Variants in RSPO1 observed in about 807,000 individuals in gnomAD.
The protein encoded by RSPO1 is R-spondin-1.
RSPO1 carries 18 observed loss-of-function variants against 26.0 expected under a neutral mutation model. The observed-to-expected ratio is 0.69, with a 90% CI of 0.48 to 1.03. The LOEUF is 1.03. RSPO1 is among the 50% of genes least tolerant of loss of function. RSPO1 has a pLI of 0.00. For missense variants in RSPO1, 309 were observed against 352.3 expected (o/e 0.88, Z 0.98); for synonymous variants, 133 against 137.4 (o/e 0.97, Z 0.22).
At chr1:37,623,488 G>A (rs1366205259) in intron 3 of RSPO1, among the ~76,000 whole-genome samples, 1 of 152,054 alleles carries the variant, frequency 6.6e-6, no homozygotes, top group African/African-American at 2.4e-5. Flanking sequence ...AGAGGCAGAG[G>A]GCACTCCCTG....
At chr1:37,623,939 T>A (rs1644240706) in intron 3 of RSPO1, among the ~76,000 whole-genome samples, 1 of 151,904 alleles carries the variant, frequency 6.6e-6, no homozygotes, top group African/African-American at 2.4e-5. Context: ...TTTTTGTATC[T>A]TTAGTAGAGT....
At position 37,629,748 on chromosome 1, in the gene RSPO1, C is replaced by T; in HGVS notation, c.-87G>A. On this transcript the variant is annotated 5_prime_UTR_variant, in exon 3 of 7. Transcript: ENST00000356545. ...ACGGCTCTTGCTAACACCTCTGGGG[C>T]TGGGTCAGCAGCAGGAGGCCCAGGC... 1 of 1,571,034 alleles carries T rather than the reference C, an allele frequency of 6.4e-7. No homozygotes were observed. The highest frequency in any genetic ancestry group is 8.6e-7 in the Non-Finnish European group (1 of 1,157,932).
intron 2 of RSPO1, chr1:37,631,836 A>G (rs1644365024): frequency 6.6e-6 from 1 of 152,232 alleles, no homozygotes; most frequent in South Asian, 2.1e-4. Flanking sequence ...TATCATCTGG[A>G]TACTAACCTT....
intron 6 of RSPO1, 44 bp from the exon 7 acceptor site, chr1:37,612,965 G>A (rs1218141179): frequency 6.2e-7 from 1 of 1,606,176 alleles, no homozygotes; most frequent in Non-Finnish European, 8.5e-7. Context: ...AGGATGTGCA[G>A]GGAGGCCCTG....
rs1418302670 is a variant in RSPO1, at chr1:37,632,370, A to C, written c.-355-17T>G. On this transcript the variant is annotated splice_polypyrimidine_tract_variant and intron_variant, in intron 1 of 6. Coordinates refer to ENST00000356545, the MANE Select transcript of RSPO1 (RefSeq NM_001242908.2). ...CAATCTCAGCTGGAAAATCGTAAGG[A>C]GGATCCAGATGTAAATTTCACTGAA... 6.6e-6 allele frequency: 1 copy of C among 152,240 alleles called. No homozygotes were observed. Among genetic ancestry groups the C allele is most frequent in the Non-Finnish European group, 1.5e-5 (1 of 68,066 alleles). The allele number at this position is 152,240 out of a possible 1,614,324, so 9.4% of individuals were successfully genotyped here. A position where few individuals can be genotyped will look rare whatever the true frequency, so the allele number is the denominator to read the frequency against.
chr1:37,612,613 G>T lies in RSPO1; in HGVS notation c.*142C>A. On this transcript the variant is annotated 3_prime_UTR_variant, in exon 7 of 7. Coordinates refer to ENST00000356545, the MANE Select transcript of RSPO1 (RefSeq NM_001242908.2). ...TATATGTGGACAGGGGTTTGAGCGT[G>T]TGTGTCTTGTGTCTATGTATGCATG... 1.2e-6 allele frequency: 1 copy of T among 862,736 alleles called. No homozygotes were observed. The highest frequency in any genetic ancestry group is 1.9e-6 in the Non-Finnish European group (1 of 521,302). 53.4% of individuals were successfully genotyped at this position (862,736 alleles called of 1,614,324 possible).
intron 3 of RSPO1, among the ~76,000 whole-genome samples, chr1:37,623,527 C>T (rs1399375752): frequency 1.3e-5 from 2 of 151,856 alleles, no homozygotes; most frequent in Non-Finnish European, 2.9e-5. Flanking sequence ...GGAGGGTGTT[C>T]CACACAGGAG....
rs144649508 is a variant in RSPO1 at position 37,626,261 on chromosome 1, G to T, written c.94+3307C>A. Among the ~76,000 whole-genome samples the T allele has an allele frequency of 2.4e-3, 360 of 152,240 alleles. 2 individuals carry two copies. Among genetic ancestry groups the T allele is most frequent in the African/African-American group, 8.2e-3 (341 of 41,538 alleles). On this transcript the variant is annotated intron_variant, in intron 3 of 6. Coordinates refer to ENST00000356545, the MANE Select transcript of RSPO1 (RefSeq NM_001242908.2). ...TCAGCCCCAGACAGCTTCCTTGCTC[G>T]ATCCCAGTAGGTTCTGGATGGCTTG...
rs562237583 is a variant in RSPO1, at chr1:37,618,473, C to T, written c.95-1798G>A. ...TAGAACATATTAAGCAGGGATGAGA[C>T]CTGGCCCAATTTACATGTTGGGAAA... On this transcript the variant is annotated intron_variant, in intron 3 of 6. Transcript: ENST00000356545. 3.3e-5 allele frequency among the ~76,000 whole-genome samples: 5 copies of T among 152,252 alleles called. No homozygotes were observed. The South Asian group carries it at 1.0e-3, about 32-fold the overall frequency.
Position 37,629,751 on chromosome 1 carries a change from G to A in RSPO1, c.-90C>T. 1 of 1,567,676 alleles carries A rather than the reference G, an allele frequency of 6.4e-7. No individual in the cohort carries two copies. Among genetic ancestry groups the A allele is most frequent in the African/African-American group, 1.4e-5 (1 of 73,618 alleles). Reference sequence around the variant, plus strand: ...GCTCTTGCTAACACCTCTGGGGCTGGGTCAGCAGCAGGAGGCCCAGGCCTG... The same window carrying A: ...GCTCTTGCTAACACCTCTGGGGCTGAGTCAGCAGCAGGAGGCCCAGGCCTG... On this transcript the variant is annotated 5_prime_UTR_variant, in exon 3 of 7. Transcript: ENST00000356545.
At position 37,629,742 on chromosome 1, in the gene RSPO1, C is replaced by T; in HGVS notation, c.-81G>A. The T allele has an allele frequency of 6.3e-7, 1 of 1,576,140 alleles. No individual in the cohort carries two copies. Among genetic ancestry groups the T allele is most frequent in the Non-Finnish European group, 8.6e-7 (1 of 1,160,714 alleles). ...TAGCACACGGCTCTTGCTAACACCTCTGGGGCTGGGTCAGCAGCAGGAGGC... is the reference window on the plus strand; with the variant it reads ...TAGCACACGGCTCTTGCTAACACCTTTGGGGCTGGGTCAGCAGCAGGAGGC... On this transcript the variant is annotated 5_prime_UTR_variant, in exon 3 of 7. Coordinates refer to ENST00000356545, the MANE Select transcript of RSPO1 (RefSeq NM_001242908.2).
chr1:37,631,918 G>T (rs1011659431), intron 2 of RSPO1: 71 of 152,168 alleles, frequency 4.7e-4, no homozygotes, highest in African/African-American at 1.7e-3. Flanking sequence ...ACACCAAAGC[G>T]ATCACTCAGA....
chr1:37,617,142 C>T (rs1644126336), intron 3 of RSPO1, among the ~76,000 whole-genome samples: 1 of 152,208 alleles, frequency 6.6e-6, no homozygotes, highest in South Asian at 2.1e-4. Flanking sequence ...TAATCTATGC[C>T]TAGAACAGGG....
chr1:37,623,827 T>C (rs1269742871), intron 3 of RSPO1, among the ~76,000 whole-genome samples: 1 of 151,146 alleles, frequency 6.6e-6, no homozygotes, highest in Non-Finnish European at 1.5e-5. Context: ...TGGCGCAATC[T>C]TGGCTCACTG....
At chr1:37,632,540 A>G (rs1013805890) in intron 1 of RSPO1, among the ~76,000 whole-genome samples, 187 bp from the exon 2 acceptor site, 1 of 152,162 alleles carries the variant, frequency 6.6e-6, no homozygotes, top group African/African-American at 2.4e-5. Context: ...TTGAAGCTGG[A>G]TGTGGAGGGG....
chr1:37,626,670 C>T (rs762990879), intron 3 of RSPO1, among the ~76,000 whole-genome samples: 12 of 152,014 alleles, frequency 7.9e-5, no homozygotes, highest in Non-Finnish European at 1.3e-4. Flanking sequence ...GGGGTAGAGG[C>T]TCCAGATGGA....
In RSPO1 at chr1:37,634,212, A is replaced by T. The variant is rs1264906493; in HGVS notation, c.-356+354T>A. ...GGACTTGGGGGAATCCGAGCCAATG[A>T]GCCCCAGGATCAAGAACTTCTGGAT... On this transcript the variant is annotated intron_variant, in intron 1 of 6. Coordinates refer to ENST00000356545, the MANE Select transcript of RSPO1 (RefSeq NM_001242908.2). This position sits in a 1 kb window ranked among gnomAD's most constrained non-coding sequence, Gnocchi z 4.7. 6.6e-6 allele frequency among the ~76,000 whole-genome samples: 1 copy of T among 152,100 alleles called. No homozygotes were observed. The highest frequency in any genetic ancestry group is 1.5e-5 in the Non-Finnish European group (1 of 68,012).
In RSPO1 at chr1:37,616,026, G is replaced by A. The variant is rs115416645; in HGVS notation, c.286+458C>T. On this transcript the variant is annotated intron_variant, in intron 4 of 6. Transcript: ENST00000356545. ...ATGGGGTAGGGTGTGTGTCTCAGAA[G>A]CGTCTTTCTGGCTGAAGTGCAGAAG... is the stretch of plus-strand genomic sequence containing the variant. Among the ~76,000 whole-genome samples the A allele has an allele frequency of 2.9e-3, 449 of 152,330 alleles. 1 individual carries two copies. The highest frequency in any genetic ancestry group is 9.9e-3 in the African/African-American group (410 of 41,582).
At position 37,613,646 on chromosome 1, in the gene RSPO1, G is replaced by T; in HGVS notation, c.625+58C>A. 1.4e-6 allele frequency: 2 copies of T among 1,458,976 alleles called. No individual in the cohort carries two copies. The highest frequency in any genetic ancestry group is 1.2e-5 in the South Asian group (1 of 86,512). 90.4% of individuals were successfully genotyped at this position (1,458,976 alleles called of 1,614,324 possible). ...CGTGGGCAGGAAGCAGAGGTGGCAG[G>T]ACCTGTCATGGCTGGTGCCTGAGCC... On this transcript the variant is annotated intron_variant, in intron 6 of 6. Transcript: ENST00000356545. The surrounding 1 kb of genome is among the most constrained non-coding windows in gnomAD (Gnocchi z 4.5).
Sources: gnomAD v4.1 joint callset for allele counts (sites outside exome capture counted in the v4.1 genomes callset) on GRCh38, gnomAD v4.1.1 for gene constraint, Gnocchi (gnomAD v3.1) non-coding constraint, MANE v1.5 for transcripts, NCBI Gene and HGNC (gene_info 2026-07-23, HGNC 2026-07-21) for gene names.